The following KLF7 variants were observed in gnomAD, a reference collection of about 807,000 sequenced individuals.
The protein encoded by KLF7 is KLF transcription factor 7.
KLF7 carries 2 observed loss-of-function variants against 27.3 expected under a neutral mutation model. The observed-to-expected ratio is 0.07, with a 90% CI of 0.03 to 0.23. The LOEUF is 0.23. Among genes scored for constraint, KLF7 ranks in the 10% least tolerant of loss-of-function variants. The pLI is 1.00. For synonymous variants in KLF7, 165 were observed against 162.4 expected (o/e 1.02, Z -0.12); for missense variants, 221 against 394.1 (o/e 0.56, Z 3.72).
At chr2:207,144,174 A>C (rs1244034588) in intron 1 of KLF7, among the ~76,000 whole-genome samples, 1 of 152,022 alleles carries the variant, frequency 6.6e-6, no homozygotes, top group Non-Finnish European at 1.5e-5. Context: ...GGGAGAAAAA[A>C]AAAAAAAAGC....
At chr2:207,157,139 A>G (rs1179677895) in intron 1 of KLF7, among the ~76,000 whole-genome samples, 1 of 151,958 alleles carries the variant, frequency 6.6e-6, no homozygotes, top group Non-Finnish European at 1.5e-5. Flanking sequence ...GATACATTAA[A>G]AGTTGACTAC....
At chr2:207,152,272 TACACACACACACACACACAC>T (rs67380335) in intron 1 of KLF7, among the ~76,000 whole-genome samples, 42,253 of 150,472 alleles carry the variant, frequency 0.28, 6,888 homozygotes, top group Middle Eastern at 0.39. Flanking sequence ...ATGTTTTTCT[TACACACACACACACACACAC>T]ACACACACAC....
intron 2 of KLF7, among the ~76,000 whole-genome samples, chr2:207,103,668 TGTGCTCTA>T (rs1015939268): frequency 7.2e-5 from 11 of 152,218 alleles, no homozygotes; most frequent in Admixed American, 3.3e-4. Context: ...TCAGGAGACC[TGTGCTCTA>T]GTCCTAGCTG....
chr2:207,148,342 T>C (rs1240307091), intron 1 of KLF7, among the ~76,000 whole-genome samples: 1 of 152,200 alleles, frequency 6.6e-6, no homozygotes, highest in African/African-American at 2.4e-5. Context: ...AAATGGAAGC[T>C]GTGAGCTTCA....
At chr2:207,149,092 G>C (rs1264225706) in intron 1 of KLF7, 4 of 1,261,384 alleles carry the variant, frequency 3.2e-6, no homozygotes, top group Non-Finnish European at 4.1e-6. Context: ...TCAGCTCTTA[G>C]GGACTGATAA....
At chr2:207,160,224 G>C (rs73985505) in intron 1 of KLF7, among the ~76,000 whole-genome samples, 3,914 of 151,924 alleles carry the variant, frequency 0.026, 159 homozygotes, top group African/African-American at 0.089. Flanking sequence ...AAAACATTCC[G>C]CCCCCCTACC....
chr2:207,117,645 G>T (rs551283232), intron 2 of KLF7, among the ~76,000 whole-genome samples: 1 of 152,182 alleles, frequency 6.6e-6, no homozygotes, highest in East Asian at 1.9e-4. Flanking sequence ...CTAGCAGGTT[G>T]AAAGTGGTTG....
intron 2 of KLF7, among the ~76,000 whole-genome samples, chr2:207,113,823 C>G (rs2077105347): frequency 6.6e-6 from 1 of 152,164 alleles, no homozygotes; most frequent in Non-Finnish European, 1.5e-5. Flanking sequence ...CACAGTATTA[C>G]TATTTGCCCT....
chr2:207,132,874 G>A (rs1559148949), intron 1 of KLF7, among the ~76,000 whole-genome samples: 1 of 152,178 alleles, frequency 6.6e-6, no homozygotes, highest in African/African-American at 2.4e-5. Context: ...AATTCAATGC[G>A]ACCATTAGGG....
At chr2:207,164,599 T>C (rs2078645591) in intron 1 of KLF7, among the ~76,000 whole-genome samples, 1 of 152,170 alleles carries the variant, frequency 6.6e-6, no homozygotes, top group Non-Finnish European at 1.5e-5. Context: ...AGTGAACTTG[T>C]CACCAGCCCC....
At chr2:207,096,107 T>C (rs1047057076) in intron 2 of KLF7, among the ~76,000 whole-genome samples, 1 of 152,186 alleles carries the variant, frequency 6.6e-6, no homozygotes, top group African/African-American at 2.4e-5. Context: ...AGTGTTCCCA[T>C]TTTTACATTC....
chr2:207,113,965 A>T (rs1559132229), intron 2 of KLF7, among the ~76,000 whole-genome samples: 1 of 152,210 alleles, frequency 6.6e-6, no homozygotes, highest in Non-Finnish European at 1.5e-5. Flanking sequence ...TTGAGACACT[A>T]AACAACAACA....
chr2:207,148,975 T>C (rs1382594583), intron 1 of KLF7: 1 of 1,127,576 alleles, frequency 8.9e-7, no homozygotes, highest in African/African-American at 1.6e-5. Flanking sequence ...ATATACCCAG[T>C]CATTACCTGT....
chr2:207,148,918 C>T lies in KLF7; in HGVS notation c.102+16549G>A, dbSNP rs1428104585. 3 of 758,830 alleles carry T rather than the reference C, an allele frequency of 4.0e-6. No homozygotes were observed. In the Admixed American group the frequency reaches 1.5e-4, roughly 39 times the overall value. The allele number at this position is 758,830 out of a possible 1,614,324, so 47.0% of individuals were successfully genotyped here. A position where few individuals can be genotyped will look rare whatever the true frequency, so the allele number is the denominator to read the frequency against. On this transcript the variant is annotated intron_variant, in intron 1 of 3. Coordinates refer to ENST00000309446, the MANE Select transcript of KLF7 (RefSeq NM_003709.4). ...AGGGATCTCCTATCACCCCTCCACC[C>T]TCACCTGATTCCCCATTCTCTAAAT... is the stretch of plus-strand genomic sequence containing the variant.
At position 207,096,143 on chromosome 2, in the gene KLF7, A is replaced by G. The variant is rs953425504; in HGVS notation, c.734-7562T>C. ...CAACCCGTGGTAGAAGCACTCTCCC[A>G]GGCTCAAAATCTTAGAGTTATTTTT... On this transcript the variant is annotated intron_variant, in intron 2 of 3. Coordinates refer to ENST00000309446, the MANE Select transcript of KLF7 (RefSeq NM_003709.4). 2.6e-5 allele frequency among the ~76,000 whole-genome samples: 4 copies of G among 152,190 alleles called. No homozygotes were observed. The East Asian group carries it at 5.8e-4, about 22-fold the overall frequency.
rs2076182025 is a variant in KLF7 at position 207,076,700 on chromosome 2, A to C, written c.*4513T>G. On this transcript the variant is annotated 3_prime_UTR_variant, in exon 4 of 4. Coordinates refer to ENST00000309446, the MANE Select transcript of KLF7 (RefSeq NM_003709.4). ...CACTGAGGAAAGTAGGCCATCAAAG[A>C]GACATTGATGTATACTCAGGATAGG... is the stretch of plus-strand genomic sequence containing the variant. 1 of 152,196 alleles carries C rather than the reference A, an allele frequency of 6.6e-6. No homozygotes were observed. Among genetic ancestry groups the C allele is most frequent in the South Asian group, 2.1e-4 (1 of 4,832 alleles). 9.4% of individuals were successfully genotyped at this position (152,196 alleles called of 1,614,324 possible).
chr2:207,092,389 T>C (rs764753362), intron 2 of KLF7, among the ~76,000 whole-genome samples: 22 of 152,182 alleles, frequency 1.4e-4, no homozygotes, highest in Non-Finnish European at 3.2e-4. Context: ...GAGGACACCC[T>C]CAGGACCTCC....
intron 2 of KLF7, among the ~76,000 whole-genome samples, chr2:207,108,516 T>C (rs1219570882): frequency 6.6e-6 from 1 of 152,230 alleles, no homozygotes; most frequent in Non-Finnish European, 1.5e-5. Flanking sequence ...TCCTTCAGCC[T>C]TCCAGGAATT....
intron 1 of KLF7, among the ~76,000 whole-genome samples, chr2:207,159,440 C>A (rs2078479415): frequency 6.6e-6 from 1 of 152,158 alleles, no homozygotes; most frequent in Non-Finnish European, 1.5e-5. Flanking sequence ...TCTTTCTTTC[C>A]TTCTTTCTGG....
Sources: allele counts gnomAD v4.1 joint callset (sites outside exome capture counted in the v4.1 genomes callset), GRCh38; gene constraint gnomAD v4.1.1; transcripts MANE v1.5; gene names NCBI Gene and HGNC (gene_info 2026-07-23, HGNC 2026-07-21).